LETM1: variants seen among roughly 807,000 people sequenced by gnomAD.
The protein encoded by LETM1 is leucine zipper and EF-hand containing transmembrane protein 1.
LETM1 carries 50 observed loss-of-function variants against 74.5 expected under a neutral mutation model. The observed-to-expected ratio is 0.67, with a 90% CI of 0.53 to 0.85. The LOEUF is 0.85. Among genes scored for constraint, LETM1 ranks in the 40% least tolerant of loss-of-function variants. The pLI is 0.00. For missense variants in LETM1, 824 were observed against 967.8 expected (o/e 0.85, Z 1.97); for synonymous variants, 446 against 407.1 (o/e 1.10, Z -1.15).
At chr4:1,822,889 G>T in intron 9 of LETM1, 99 bp downstream of exon 9, 1 of 1,137,650 alleles carries the variant, frequency 8.8e-7, no homozygotes, top group Non-Finnish European at 1.1e-6. Flanking sequence ...AGAGCTGCAG[G>T]GCAAGCATGC....
At chr4:1,842,099 G>A (rs1712723754) in intron 2 of LETM1, among the ~76,000 whole-genome samples, 1 of 152,154 alleles carries the variant, frequency 6.6e-6, no homozygotes, top group Non-Finnish European at 1.5e-5. Context: ...CTGGATCCCT[G>A]GGTGGGTCTC....
At chr4:1,846,826 G>C (rs1040386846) in intron 2 of LETM1, among the ~76,000 whole-genome samples, 7 of 152,176 alleles carry the variant, frequency 4.6e-5, no homozygotes, top group Non-Finnish European at 1.0e-4. Flanking sequence ...AGAAGAGGCA[G>C]ATGATTACTA....
chr4:1,852,553 G>T (rs1052772651), intron 1 of LETM1, among the ~76,000 whole-genome samples: 4 of 152,220 alleles, frequency 2.6e-5, no homozygotes, highest in Non-Finnish European at 5.9e-5. Context: ...TCACAGCATG[G>T]CCAGCACCTC....
intron 7 of LETM1, 26 bp downstream of exon 7, chr4:1,825,538 C>CT (rs1711954060): frequency 6.3e-7 from 1 of 1,594,612 alleles, no homozygotes; most frequent in African/African-American, 1.4e-5. Context: ...CCGTGCCGGC[C>CT]TGGCACCAGG....
chr4:1,829,395 G>A (rs975144079), intron 6 of LETM1, among the ~76,000 whole-genome samples: 8 of 152,104 alleles, frequency 5.3e-5, no homozygotes, highest in African/African-American at 2.4e-5. Context: ...CGGGCGGGGG[G>A]CTGACCCCCC....
chr4:1,853,460 T>C (rs1427700447), intron 1 of LETM1, among the ~76,000 whole-genome samples: 1 of 152,238 alleles, frequency 6.6e-6, no homozygotes, highest in Non-Finnish European at 1.5e-5. Context: ...GCTTCACCTC[T>C]GTGGTCTTCC....
chr4:1,838,696 A>G (rs1463318781), intron 3 of LETM1, among the ~76,000 whole-genome samples: 1 of 152,138 alleles, frequency 6.6e-6, no homozygotes, highest in Non-Finnish European at 1.5e-5. Context: ...AAATAAGTAA[A>G]TAAATAGTAG....
rs1479301174 is a variant in LETM1 at position 1,822,176 on chromosome 4, A to AT, written c.1608+4dup. On this transcript the variant is annotated splice_donor_region_variant and intron_variant, in intron 10 of 13. Transcript: ENST00000302787. ...CCTCCAGGGCCCCAGAACCTGCCTC[A>AT]TTACCTTCAAGCCCTCCAGCACCGG... The AT allele has an allele frequency of 1.4e-6, 2 of 1,407,908 alleles. No individual in the cohort carries two copies. The highest frequency in any genetic ancestry group is 1.5e-5 in the African/African-American group (1 of 68,262). The allele number at this position is 1,407,908 out of a possible 1,614,324, so 87.2% of individuals were successfully genotyped here.
rs746301139 is a variant in LETM1 at position 1,819,353 on chromosome 4, C to T, written c.1728G>A (p.Val576=). ...KEELELLKED[V]QDYSEDLQEI... is the part of the protein sequence containing the mutation. ...TCCCACCCACCTCGCTGTAGTCCTG[C>T]ACATCCTCCTTCAGCAGCTCCAGCT... Residue 576 remains valine, a synonymous_variant, in exon 11 of 14, where the codon GTG becomes GTA. Transcript: ENST00000302787. 3 of 1,612,622 alleles carry T rather than the reference C, an allele frequency of 1.9e-6. No homozygotes were observed. The highest frequency in any genetic ancestry group is 1.1e-5 in the South Asian group (1 of 90,860).
intron 6 of LETM1, among the ~76,000 whole-genome samples, chr4:1,829,446 A>G (rs1712179642): frequency 6.6e-6 from 1 of 152,252 alleles, no homozygotes; most frequent in African/African-American, 2.4e-5. Context: ...TTGAAAAATA[A>G]TGCTCCACTT....
chr4:1,854,594 G>C (rs1248021968), intron 1 of LETM1, among the ~76,000 whole-genome samples: 1 of 152,032 alleles, frequency 6.6e-6, no homozygotes, highest in African/African-American at 2.4e-5. Context: ...AGGAGTTCGA[G>C]ACCCGCCTGG....
intron 4 of LETM1, among the ~76,000 whole-genome samples, chr4:1,835,628 A>G (rs1712440541): frequency 6.6e-6 from 1 of 152,164 alleles, no homozygotes; most frequent in Admixed American, 6.5e-5. Context: ...GACAAGACAC[A>G]TGACTGGGCA....
At position 1,836,376 on chromosome 4, in the gene LETM1, C is replaced by G; in HGVS notation, c.738+53G>C. 1.9e-6 allele frequency: 3 copies of G among 1,581,964 alleles called. 1 individual carries two copies. In the Admixed American group the frequency reaches 5.1e-5, roughly 27 times the overall value. ...GAAAAGTCACAAACAAGGAAGCCAT[C>G]ACAATGAATTTCAGACTCATTCTAA... On this transcript the variant is annotated intron_variant, in intron 4 of 13. Transcript: ENST00000302787. The surrounding 1 kb of genome is among the most constrained non-coding windows in gnomAD (Gnocchi z 5.8).
chr4:1,833,841 G>A (rs1379881454), intron 5 of LETM1: 2 of 152,274 alleles, frequency 1.3e-5, no homozygotes, highest in Non-Finnish European at 2.9e-5. Flanking sequence ...GCTCCTGGGG[G>A]CGGCCCTATG....
chr4:1,835,936 A>G (rs931081807), intron 4 of LETM1, among the ~76,000 whole-genome samples: 2 of 152,132 alleles, frequency 1.3e-5, no homozygotes, highest in Admixed American at 1.3e-4. Context: ...AATTAGTCAG[A>G]TGTGGTGGCT....
chr4:1,855,934 A>T lies in LETM1; in HGVS notation c.17T>A (p.Leu6Gln). Residue 6 changes from leucine (L) to glutamine (Q), a missense_variant, in exon 1 of 14, where the codon CTG becomes CAG. Leu to Gln is a moderately radical substitution (Grantham distance 113). Coordinates refer to ENST00000302787, the MANE Select transcript of LETM1 (RefSeq NM_012318.3). ...GGGCGCCCGGCCGCGGCAGCTCCTC[A>T]GTAAGATGGACGCCATGTGCTCGGG... Reference protein sequence around the residue: MASILLRSCRGRAPAR... With the variant: MASILQRSCRGRAPAR... The T allele has an allele frequency of 8.1e-7, 1 of 1,232,918 alleles. No homozygotes were observed. The highest frequency in any genetic ancestry group is 1.0e-6 in the Non-Finnish European group (1 of 990,562). 76.4% of individuals were successfully genotyped at this position (1,232,918 alleles called of 1,614,324 possible). A position where few individuals can be genotyped will look rare whatever the true frequency, so the allele number is the denominator to read the frequency against.
chr4:1,833,118 C>T, intron 5 of LETM1, 171 bp from the exon 6 acceptor site: 1 of 617,082 alleles, frequency 1.6e-6, no homozygotes. Context: ...GTTACCCAGG[C>T]TGGAATGCAG....
chr4:1,834,757 T>G lies in LETM1; in HGVS notation c.876+88A>C. 6.4e-7 allele frequency: 1 copy of G among 1,558,766 alleles called. No individual in the cohort carries two copies. Among genetic ancestry groups the G allele is most frequent in the Non-Finnish European group, 8.7e-7 (1 of 1,150,024 alleles). ...AGCGCCAGCCAGCACCTGGGGGAGC[T>G]CCACTCTGCTGAGCACAGCGAAAGG... On this transcript the variant is annotated intron_variant, in intron 5 of 13. Coordinates refer to ENST00000302787, the MANE Select transcript of LETM1 (RefSeq NM_012318.3). The surrounding 1 kb of genome is among the most constrained non-coding windows in gnomAD (Gnocchi z 5.0).
Position 1,813,456 on chromosome 4 carries a change from A to G in LETM1, c.*968T>C, listed in dbSNP as rs1722527034. The G allele has an allele frequency of 6.6e-6, 1 of 152,392 alleles. No individual in the cohort carries two copies. Among genetic ancestry groups the G allele is most frequent in the Admixed American group, 6.5e-5 (1 of 15,288 alleles). The allele number at this position is 152,392 out of a possible 1,614,324, so 9.4% of individuals were successfully genotyped here. ...GGGGAGGCCACCCCACCCAGAGGGC[A>G]CAGGGCAAACCCTAAGCACGGGGGT... On this transcript the variant is annotated 3_prime_UTR_variant, in exon 14 of 14. Transcript: ENST00000302787.
Sources: gnomAD v4.1 joint callset for allele counts (sites outside exome capture counted in the v4.1 genomes callset) on GRCh38, gnomAD v4.1.1 for gene constraint, Gnocchi (gnomAD v3.1) non-coding constraint, MANE v1.5 for transcripts, NCBI Gene and HGNC (gene_info 2026-07-23, HGNC 2026-07-21) for gene names.